NXPE2: variants seen among roughly 807,000 people sequenced by gnomAD.
NXPE2 encodes the protein NXPE family member 2.
A neutral mutation model predicts 34.4 loss-of-function variants in NXPE2; 34 were observed. The observed-to-expected ratio is 0.99, with a 90% confidence interval of 0.75 to 1.31. The LOEUF is 1.31. Among genes scored for constraint, NXPE2 ranks in the 40% most tolerant of loss-of-function variants. The probability of loss-of-function intolerance (pLI) is 0.00; values close to 1 mark genes in which losing one functional copy is unlikely to be tolerated. For synonymous variants in NXPE2, 235 were observed against 231.3 expected, an observed-to-expected ratio of 1.02 and a Z score of -0.15; for missense variants, 649 against 672.5, an observed-to-expected ratio of 0.97 and a Z score of 0.39.
At chr11:114,624,132 G>T in the NXPE2 span, among the ~76,000 whole-genome samples, 2 of 152,102 alleles carry the variant, frequency 1.3e-5, no homozygotes, top group Admixed American at 6.5e-5. Flanking sequence ...GTTACCCATT[G>T]TAAAATAAGT....
the NXPE2 span, chr11:114,553,003 G>C: frequency 3.8e-6 from 1 of 263,102 alleles, no homozygotes; most frequent in Non-Finnish European, 5.9e-6. Context: ...AAGCTCCTGA[G>C]TCTTTGCCCA....
chr11:114,580,105 A>C, the NXPE2 span: 1 of 1,572,084 alleles, frequency 6.4e-7, no homozygotes, highest in African/African-American at 1.3e-5. Flanking sequence ...GAAAGGGGTA[A>C]GAATTATAGC....
At chr11:114,627,257 G>T in the NXPE2 span, among the ~76,000 whole-genome samples, 34 of 151,920 alleles carry the variant, frequency 2.2e-4, no homozygotes, top group Non-Finnish European at 4.9e-4. Flanking sequence ...AAATGTTAAA[G>T]GCAGCCAGAG....
the NXPE2 span, among the ~76,000 whole-genome samples, chr11:114,549,150 G>T: frequency 1.3e-5 from 2 of 151,756 alleles, no homozygotes; most frequent in African/African-American, 4.8e-5. Context: ...GCTACTGAAT[G>T]CACAAAGCCA....
chr11:114,524,033 C>T, the NXPE2 span, among the ~76,000 whole-genome samples: 1 of 152,226 alleles, frequency 6.6e-6, no homozygotes, highest in African/African-American at 2.4e-5. Context: ...ACTCTTGTTC[C>T]TTCTATGTTG....
chr11:114,554,453 A>G, the NXPE2 span: 1 of 858,398 alleles, frequency 1.2e-6, no homozygotes, highest in Non-Finnish European at 1.4e-6. Flanking sequence ...TTTGATAATC[A>G]GTCCTATGAC....
the NXPE2 span, among the ~76,000 whole-genome samples, chr11:114,629,655 T>C: frequency 6.6e-6 from 1 of 152,050 alleles, no homozygotes; most frequent in Non-Finnish European, 1.5e-5. Flanking sequence ...ATCAGAGTGT[T>C]GGAAGTTCTG....
At chr11:114,649,136 T>G in the NXPE2 span, among the ~76,000 whole-genome samples, 2 of 152,006 alleles carry the variant, frequency 1.3e-5, no homozygotes, top group Non-Finnish European at 2.9e-5. Context: ...GTCATGTTTT[T>G]TTTTTTTTAA....
downstream of NXPE2, among the ~76,000 whole-genome samples, chr11:114,709,996 AG>A (rs1324964166): frequency 8.5e-5 from 13 of 152,194 alleles, no homozygotes; most frequent in African/African-American, 3.1e-4. Flanking sequence ...ACTATTAAAC[AG>A]CCTATGGGTC....
chr11:114,587,796 C>T, the NXPE2 span, among the ~76,000 whole-genome samples: 1 of 152,290 alleles, frequency 6.6e-6, no homozygotes, highest in African/African-American at 2.4e-5. Context: ...CTTTGGTCTG[C>T]ACTCCTCTGG....
the NXPE2 span, among the ~76,000 whole-genome samples, chr11:114,642,759 A>G: frequency 2.6e-5 from 4 of 152,062 alleles, no homozygotes; most frequent in South Asian, 4.1e-4. Flanking sequence ...AATGGTTTAT[A>G]TTCCTTTGGG....
chr11:114,792,952 G>A, the NXPE2 span, among the ~76,000 whole-genome samples: 1 of 152,154 alleles, frequency 6.6e-6, no homozygotes, highest in African/African-American at 2.4e-5. Context: ...CTGCTTGAAT[G>A]TCTGCGGTAA....
At chr11:114,754,693 G>A in the NXPE2 span, among the ~76,000 whole-genome samples, 1 of 151,500 alleles carries the variant, frequency 6.6e-6, no homozygotes, top group East Asian at 1.9e-4. Flanking sequence ...GTATGGCAAT[G>A]CCAGGGAGTG....
At chr11:114,701,488 T>C (rs1418130962) in intron 3 of NXPE2, among the ~76,000 whole-genome samples, 3 of 152,180 alleles carry the variant, frequency 2.0e-5, no homozygotes, top group Non-Finnish European at 2.9e-5. Context: ...TATTTCCAAA[T>C]AGACATAAGT....
the NXPE2 span, among the ~76,000 whole-genome samples, chr11:114,742,527 G>A: frequency 1.3e-5 from 2 of 151,990 alleles, no homozygotes; most frequent in African/African-American, 4.8e-5. Flanking sequence ...ACCTAACGGG[G>A]TCTCTTTTTG....
At chr11:114,765,617 T>C in the NXPE2 span, among the ~76,000 whole-genome samples, 1 of 152,220 alleles carries the variant, frequency 6.6e-6, no homozygotes, top group Non-Finnish European at 1.5e-5. Flanking sequence ...ACAACCATTT[T>C]AGCTCTCCAC....
the NXPE2 span, among the ~76,000 whole-genome samples, chr11:114,727,816 CAT>C: frequency 4.6e-5 from 7 of 151,096 alleles, no homozygotes; most frequent in Non-Finnish European, 7.4e-5. Flanking sequence ...CACACACACA[CAT>C]ATCTTTCCCC....
At chr11:114,632,883 T>G in the NXPE2 span, among the ~76,000 whole-genome samples, 7 of 52,588 alleles carry the variant, frequency 1.3e-4, no homozygotes, top group Admixed American at 3.7e-4. Flanking sequence ...TATAATTATA[T>G]ATTATATAAT....
chr11:114,620,573 G>A, the NXPE2 span, among the ~76,000 whole-genome samples: 1 of 152,114 alleles, frequency 6.6e-6, no homozygotes, highest in African/African-American at 2.4e-5. Flanking sequence ...TTACGCGGTG[G>A]ATAATAAGTG....
Sources: allele counts gnomAD v4.1 joint callset (sites outside exome capture counted in the v4.1 genomes callset), GRCh38; gene constraint gnomAD v4.1.1; transcripts MANE v1.5; gene names NCBI Gene and HGNC (gene_info 2026-07-23, HGNC 2026-07-21).